Variants in AP4S1 observed in about 807,000 individuals in gnomAD.
AP4S1 encodes the protein adaptor related protein complex 4 subunit sigma 1.
Under a neutral mutation model 19.8 loss-of-function variants are expected in AP4S1, and 23 were observed. That is an observed-to-expected ratio of 1.16 (90% confidence interval 0.84 to 1.65). The LOEUF is 1.65. Among genes scored for constraint, AP4S1 ranks in the 40% most tolerant of loss-of-function variants. AP4S1 has a pLI of 0.00. For synonymous variants in AP4S1, 46 were observed against 54.1 expected (o/e 0.85, Z 0.66); for missense variants, 166 against 172.8 (o/e 0.96, Z 0.22).
At chr14:31,027,835 CAAA>C (rs1884123367) in intron 1 of AP4S1, among the ~76,000 whole-genome samples, 1 of 151,910 alleles carries the variant, frequency 6.6e-6, no homozygotes, top group African/African-American at 2.4e-5. Context: ...AAAAATAAGA[CAAA>C]AATAATTAAC....
chr14:31,073,741 T>C (rs1454015484), intron 4 of AP4S1, among the ~76,000 whole-genome samples: 1 of 151,384 alleles, frequency 6.6e-6, no homozygotes, highest in Non-Finnish European at 1.5e-5. Context: ...GGTTTCTCCA[T>C]GTTGGTCAGG....
At chr14:31,042,754 A>C (rs1350789148) in intron 1 of AP4S1, among the ~76,000 whole-genome samples, 1 of 152,192 alleles carries the variant, frequency 6.6e-6, no homozygotes, top group East Asian at 1.9e-4. Flanking sequence ...TTTTCAGTAA[A>C]ACATTTGGCT....
chr14:31,043,626 C>T (rs1200000688), intron 1 of AP4S1, among the ~76,000 whole-genome samples: 3 of 152,130 alleles, frequency 2.0e-5, no homozygotes, highest in East Asian at 1.9e-4. Context: ...ACAGAGTTAA[C>T]GTTATTCATA....
At chr14:31,054,674 G>C (rs981363755) in intron 1 of AP4S1, among the ~76,000 whole-genome samples, 1 of 151,832 alleles carries the variant, frequency 6.6e-6, no homozygotes, top group Non-Finnish European at 1.5e-5. Context: ...GGGTGACAGA[G>C]CAAGACTCTG....
At chr14:31,076,940 AT>A (rs1042982579) in intron 4 of AP4S1, among the ~76,000 whole-genome samples, 3 of 151,604 alleles carry the variant, frequency 2.0e-5, no homozygotes, top group Non-Finnish European at 4.4e-5. Flanking sequence ...TTTTATTTTT[AT>A]TTTTTTTGAG....
chr14:31,054,867 CAAAAAAAAAAA>C (rs1162029946), intron 1 of AP4S1, among the ~76,000 whole-genome samples: 884 of 46,444 alleles, frequency 0.019, 7 homozygotes, highest in Middle Eastern at 0.025. Flanking sequence ...GACTCTGTCT[CAAAAAAAAAAA>C]AAAAAAAAAA....
chr14:31,042,410 T>C (rs1254254739), intron 1 of AP4S1, among the ~76,000 whole-genome samples: 2 of 152,106 alleles, frequency 1.3e-5, no homozygotes, highest in Non-Finnish European at 2.9e-5. Flanking sequence ...ACTCTGGCCA[T>C]TACCACTTTA....
chr14:31,035,947 G>A (rs1166944227), intron 1 of AP4S1, among the ~76,000 whole-genome samples: 6 of 151,950 alleles, frequency 3.9e-5, no homozygotes, highest in Non-Finnish European at 7.4e-5. Flanking sequence ...AGCCAGGATG[G>A]TCTCGATATC....
intron 1 of AP4S1, among the ~76,000 whole-genome samples, chr14:31,031,916 G>T (rs1205620492): frequency 3.1e-5 from 2 of 64,986 alleles, no homozygotes; most frequent in Middle Eastern, 7.2e-3. Context: ...ATGCAACATG[G>T]GGAGACCCTG....
chr14:31,042,405 G>A (rs947942437), intron 1 of AP4S1, among the ~76,000 whole-genome samples: 2 of 151,958 alleles, frequency 1.3e-5, no homozygotes, highest in Middle Eastern at 3.2e-3. Context: ...TACACACTCT[G>A]GCCATTACCA....
intron 5 of AP4S1, among the ~76,000 whole-genome samples, chr14:31,083,863 C>T (rs1412921346): frequency 6.6e-6 from 1 of 152,112 alleles, no homozygotes. Flanking sequence ...ATACATAGTC[C>T]TTTTAAACCA....
intron 5 of AP4S1, among the ~76,000 whole-genome samples, chr14:31,084,548 G>A (rs1321674707): frequency 6.6e-6 from 1 of 152,208 alleles, no homozygotes; most frequent in Non-Finnish European, 1.5e-5. Context: ...GGTGTCAGGT[G>A]GGGCGGGCTG....
At chr14:31,039,564 G>A (rs1026815277) in intron 1 of AP4S1, among the ~76,000 whole-genome samples, 11 of 137,392 alleles carry the variant, frequency 8.0e-5, no homozygotes, top group African/African-American at 2.9e-4. Flanking sequence ...TACAATAGGT[G>A]TAGTTTTGTT....
chr14:31,085,901 T>C (rs1397365296), intron 5 of AP4S1: 8 of 925,224 alleles, frequency 8.6e-6, no homozygotes, highest in Admixed American at 1.2e-4. Context: ...CCCTGATTCA[T>C]GTCCCTTCTA....
At position 31,093,810 on chromosome 14, in the gene AP4S1, T is replaced by C. The variant is rs930784612; in HGVS notation, c.*775T>C. On this transcript the variant is annotated 3_prime_UTR_variant, in exon 6 of 6. Transcript: ENST00000542754. Reference sequence around the variant, plus strand: ...AACTTTTTAAGAGGTGTTTTTTTGTTTGTTTTTTTGTTTTGTTTTTTAAGA... The same window carrying C: ...AACTTTTTAAGAGGTGTTTTTTTGTCTGTTTTTTTGTTTTGTTTTTTAAGA... 3.3e-5 allele frequency: 5 copies of C among 152,310 alleles called. No homozygotes were observed. The highest frequency in any genetic ancestry group is 1.2e-4 in the African/African-American group (5 of 41,394). 9.4% of individuals were successfully genotyped at this position (152,310 alleles called of 1,614,324 possible).
intron 1 of AP4S1, among the ~76,000 whole-genome samples, chr14:31,051,035 G>A (rs989678002): frequency 2.6e-5 from 4 of 151,864 alleles, no homozygotes; most frequent in African/African-American, 4.8e-5. Context: ...CGGGAGGATC[G>A]CTTGAGCCCA....
intron 4 of AP4S1, among the ~76,000 whole-genome samples, chr14:31,077,419 C>T (rs1887420373): frequency 6.6e-6 from 1 of 152,336 alleles, no homozygotes. Context: ...AGCCCACCTC[C>T]TAATGCCAGA....
At chr14:31,062,511 A>C (rs889857687) in intron 1 of AP4S1, among the ~76,000 whole-genome samples, 1 of 152,342 alleles carries the variant, frequency 6.6e-6, no homozygotes, top group African/African-American at 2.4e-5. Flanking sequence ...CTTTTGCAGC[A>C]TTTAAGTACA....
At chr14:31,062,524 C>T (rs1275838260) in intron 1 of AP4S1, among the ~76,000 whole-genome samples, 2 of 152,224 alleles carry the variant, frequency 1.3e-5, no homozygotes, top group African/African-American at 2.4e-5. Context: ...TAAGTACATA[C>T]CTCCTTGCAC....
Sources: gnomAD v4.1 joint callset for allele counts (sites outside exome capture counted in the v4.1 genomes callset) on GRCh38, gnomAD v4.1.1 for gene constraint, MANE v1.5 for transcripts, NCBI Gene and HGNC (gene_info 2026-07-23, HGNC 2026-07-21) for gene names.